MAGI2: variants seen among roughly 807,000 people sequenced by gnomAD.
MAGI2 encodes the protein membrane-associated guanylate kinase, WW and PDZ domain-containing protein 2.
In MAGI2, 35 loss-of-function variants were observed where a neutral mutation model predicts 133.3. The observed-to-expected ratio is 0.26, with a 90% CI of 0.20 to 0.35. The LOEUF is 0.35. MAGI2 is among the 10% of genes least tolerant of loss of function. The probability of loss-of-function intolerance (pLI) is 1.00; values close to 1 mark genes in which losing one functional copy is unlikely to be tolerated. For missense variants in MAGI2, 1,636 were observed against 1,863.4 expected (o/e 0.88, Z 2.25); for synonymous variants, 729 against 710.6 (o/e 1.03, Z -0.41).
intron 1 of MAGI2, among the ~76,000 whole-genome samples, chr7:79,439,081 T>C (rs570289920): frequency 2.0e-5 from 3 of 152,016 alleles, no homozygotes; most frequent in African/African-American, 4.8e-5. Flanking sequence ...GCCTCATTGG[T>C]CTATATTTAT....
chr7:78,271,260 T>C (rs1794546516), intron 9 of MAGI2, among the ~76,000 whole-genome samples: 2 of 152,234 alleles, frequency 1.3e-5, no homozygotes, highest in Non-Finnish European at 2.9e-5. Context: ...GTTTATGTGA[T>C]GCATTATGTT....
chr7:78,935,828 T>C (rs1231293539), intron 2 of MAGI2, among the ~76,000 whole-genome samples: 1 of 152,048 alleles, frequency 6.6e-6, no homozygotes, highest in Non-Finnish European at 1.5e-5. Flanking sequence ...TAGCTTTGAG[T>C]TTCTCTTGAG....
Position 79,279,443 on chromosome 7 carries a change from C to T in MAGI2, c.301+173577G>A, listed in dbSNP as rs929271041. Among the ~76,000 whole-genome samples the T allele has an allele frequency of 3.9e-5, 6 of 152,146 alleles. No homozygotes were observed. The South Asian group carries it at 8.3e-4, about 21-fold the overall frequency. ...AGCCTGGACAGAGCCCTAGAAGAGA[C>T]GTGGGGACTGCTGTGTGTCACTGCA... is the stretch of plus-strand genomic sequence containing the variant. On this transcript the variant is annotated intron_variant, in intron 1 of 21. Coordinates refer to ENST00000354212, the MANE Select transcript of MAGI2 (RefSeq NM_012301.4).
At chr7:78,983,029 C>T (rs1396507127) in intron 2 of MAGI2, among the ~76,000 whole-genome samples, 1 of 151,870 alleles carries the variant, frequency 6.6e-6, no homozygotes, top group Non-Finnish European at 1.5e-5. Context: ...AGACTTACTA[C>T]AAAAATAATG....
At chr7:79,151,140 G>A (rs1308425875) in intron 1 of MAGI2, among the ~76,000 whole-genome samples, 2 of 152,102 alleles carry the variant, frequency 1.3e-5, no homozygotes, top group African/African-American at 4.8e-5. Context: ...AGATGGCTAT[G>A]TACTTTCTTG....
chr7:78,359,134 T>C (rs1376911389), intron 7 of MAGI2: 1 of 152,242 alleles, frequency 6.6e-6, no homozygotes, highest in Non-Finnish European at 1.5e-5. Context: ...GACCTACTTG[T>C]TCAGGACAGA....
intron 3 of MAGI2, among the ~76,000 whole-genome samples, chr7:78,528,777 G>T (rs932548933): frequency 1.1e-4 from 17 of 152,096 alleles, no homozygotes; most frequent in African/African-American, 3.6e-4. Context: ...AAACCAAGAT[G>T]CAGAAACTCC....
intron 1 of MAGI2, among the ~76,000 whole-genome samples, chr7:79,235,755 T>C (rs1461181002): frequency 2.0e-5 from 3 of 152,220 alleles, no homozygotes; most frequent in Admixed American, 1.3e-4. Context: ...ACCCGTCTTC[T>C]GCGTCGCTCA....
intron 1 of MAGI2, among the ~76,000 whole-genome samples, chr7:79,360,575 G>T (rs180774919): frequency 6.6e-6 from 1 of 151,786 alleles, no homozygotes; most frequent in African/African-American, 2.4e-5. Flanking sequence ...ATTTAAAAGC[G>T]GGGTAGGAAA....
At chr7:79,307,603 T>C (rs760286380) in intron 1 of MAGI2, among the ~76,000 whole-genome samples, 2 of 152,188 alleles carry the variant, frequency 1.3e-5, no homozygotes, top group Non-Finnish European at 2.9e-5. Flanking sequence ...CTTCACCTTT[T>C]TTGTCAGCAA....
At chr7:78,138,625 TCACACACA>T (rs202115434) in intron 16 of MAGI2, among the ~76,000 whole-genome samples, 15,128 of 129,352 alleles carry the variant, frequency 0.12, 932 homozygotes, top group Middle Eastern at 0.21. Context: ...AAACATAGAT[TCACACACA>T]CACACACACA....
Position 79,007,200 on chromosome 7 carries a change from A to G in MAGI2, c.308T>C (p.Ile103Thr), listed in dbSNP as rs1179270853. 2 of 1,593,052 alleles carry G rather than the reference A, an allele frequency of 1.3e-6. No homozygotes were observed. The highest frequency in any genetic ancestry group is 1.1e-5 in the South Asian group (1 of 88,086). Residue 103 changes from isoleucine (I) to threonine (T), a missense_variant, in exon 2 of 22, where the codon ATT becomes ACT. Around this residue, in one of 5 missense-constraint regions of MAGI2, gnomAD observed 148 missense variants for 239.0 expected, o/e 0.62. Transcript: ENST00000354212. ...LRLKCVKQGG[I>T]VDKDLRHYLN... is the part of the protein sequence containing the mutation. ...GTAGTGACGAAGGTCTTTATCAACAATTCCTCCTAAAAATAAAAAAAGTTT... is the reference window on the plus strand; with the variant it reads ...GTAGTGACGAAGGTCTTTATCAACAGTTCCTCCTAAAAATAAAAAAAGTTT...
chr7:79,047,398 T>C (rs938846598), intron 1 of MAGI2, among the ~76,000 whole-genome samples: 1 of 152,128 alleles, frequency 6.6e-6, no homozygotes, highest in African/African-American at 2.4e-5. Flanking sequence ...AATCAATGTT[T>C]GTAACAGTAT....
chr7:78,909,586 G>C (rs1376177006), intron 2 of MAGI2, among the ~76,000 whole-genome samples: 3 of 120,078 alleles, frequency 2.5e-5, no homozygotes, highest in Admixed American at 1.1e-4. Context: ...CTGGGCTACA[G>C]AGTGAGACTC....
chr7:78,088,674 G>A (rs574715612), intron 20 of MAGI2, among the ~76,000 whole-genome samples: 1 of 152,236 alleles, frequency 6.6e-6, no homozygotes, highest in South Asian at 2.1e-4. Flanking sequence ...TCTACAGCTG[G>A]AGCTGTAGCG....
chr7:78,453,387 C>G (rs972561801), intron 6 of MAGI2, among the ~76,000 whole-genome samples: 2 of 152,114 alleles, frequency 1.3e-5, no homozygotes, highest in Admixed American at 6.6e-5. Context: ...ATAAAGGAAT[C>G]GCTGTTTCCC....
chr7:79,021,687 C>A (rs888524737), intron 1 of MAGI2, among the ~76,000 whole-genome samples: 1 of 152,108 alleles, frequency 6.6e-6, no homozygotes, highest in African/African-American at 2.4e-5. Context: ...GTGGAAGGGA[C>A]TTGTCTTGCT....
At chr7:78,840,967 C>T (rs1043533875) in intron 2 of MAGI2, among the ~76,000 whole-genome samples, 1 of 151,944 alleles carries the variant, frequency 6.6e-6, no homozygotes, top group East Asian at 1.9e-4. Context: ...TTTGAGACTT[C>T]GTTCCATTCG....
intron 21 of MAGI2, among the ~76,000 whole-genome samples, chr7:78,061,396 TG>T (rs1022785913): frequency 8.2e-4 from 117 of 143,412 alleles, no homozygotes; most frequent in African/African-American, 3.0e-3. Context: ...TGCTCACATC[TG>T]GGGACTGGTT....
Sources: allele counts gnomAD v4.1 joint callset (sites outside exome capture counted in the v4.1 genomes callset), GRCh38; gene constraint gnomAD v4.1.1; regional missense constraint gnomAD v4.1.1; transcripts MANE v1.5; gene names NCBI Gene and HGNC (gene_info 2026-07-23, HGNC 2026-07-21).